The following RABGAP1L variants were observed in gnomAD, a reference collection of about 807,000 sequenced individuals.
RABGAP1L encodes rab GTPase-activating protein 1-like.
RABGAP1L carries 63 observed loss-of-function variants against 137.7 expected under a neutral mutation model. That is an observed-to-expected ratio of 0.46 (90% CI 0.37 to 0.56). The LOEUF (loss-of-function observed/expected upper bound fraction) is 0.56. RABGAP1L is among the 20% of genes least tolerant of loss of function. The probability of loss-of-function intolerance (pLI) is 0.00; values close to 1 mark genes in which losing one functional copy is unlikely to be tolerated. For missense variants in RABGAP1L, 1,095 were observed against 1,244.0 expected (o/e 0.88, Z 1.80); for synonymous variants, 431 against 433.7 (o/e 0.99, Z 0.08).
At chr1:174,692,177 AG>A (rs1411568163) in intron 15 of RABGAP1L, among the ~76,000 whole-genome samples, 3 of 152,180 alleles carry the variant, frequency 2.0e-5, no homozygotes, top group Non-Finnish European at 4.4e-5. Context: ...AGATATATGC[AG>A]AATTTTGCTA....
chr1:174,239,559 T>C (rs911673272), intron 4 of RABGAP1L, among the ~76,000 whole-genome samples: 1 of 152,178 alleles, frequency 6.6e-6, no homozygotes, highest in Non-Finnish European at 1.5e-5. Context: ...TTCCTCATAC[T>C]GGGCCATTTT....
chr1:174,703,476 C>A (rs1679815594), intron 17 of RABGAP1L, among the ~76,000 whole-genome samples: 2 of 152,062 alleles, frequency 1.3e-5, no homozygotes, highest in African/African-American at 4.8e-5. Flanking sequence ...TTTTCTTTAT[C>A]CAGTCATCCA....
At chr1:174,374,567 G>A (rs10912773) in intron 12 of RABGAP1L, among the ~76,000 whole-genome samples, 75,583 of 151,920 alleles carry the variant, frequency 0.5, 21,360 homozygotes, top group African/African-American at 0.78. Context: ...TTTGGATAAG[G>A]TGTTTCTTCT....
intron 4 of RABGAP1L, among the ~76,000 whole-genome samples, 168 bp from the exon 5 acceptor site, chr1:174,241,315 G>A (rs1030865078): frequency 1.4e-5 from 2 of 147,610 alleles, no homozygotes; most frequent in Non-Finnish European, 1.5e-5. Flanking sequence ...GCAAAACTCT[G>A]TTTCAAACAA....
intron 13 of RABGAP1L, among the ~76,000 whole-genome samples, chr1:174,475,288 A>G (rs1658380352): frequency 6.6e-6 from 1 of 152,164 alleles, no homozygotes; most frequent in Non-Finnish European, 1.5e-5. Context: ...TGGAGTATTC[A>G]AGATTCCCTT....
chr1:174,255,365 T>C (rs1157982547), intron 7 of RABGAP1L, among the ~76,000 whole-genome samples: 1 of 152,214 alleles, frequency 6.6e-6, no homozygotes, highest in East Asian at 1.9e-4. Flanking sequence ...TTTTAAACTT[T>C]TTATTTGGAA....
intron 13 of RABGAP1L, among the ~76,000 whole-genome samples, chr1:174,584,766 T>A (rs1223841035): frequency 6.6e-6 from 1 of 152,174 alleles, no homozygotes; most frequent in African/African-American, 2.4e-5. Context: ...GAGGCAGGTT[T>A]TAAGAACTTC....
At chr1:174,415,907 G>T (rs755080327) in intron 13 of RABGAP1L, among the ~76,000 whole-genome samples, 53 of 151,452 alleles carry the variant, frequency 3.5e-4, no homozygotes, top group Non-Finnish European at 6.8e-4. Flanking sequence ...TTTGACCTGG[G>T]ATTCAAAATG....
intron 18 of RABGAP1L, among the ~76,000 whole-genome samples, chr1:174,762,808 T>C (rs1001255015): frequency 7.0e-4 from 47 of 67,114 alleles, no homozygotes; most frequent in Admixed American, 2.2e-3. Context: ...TCTCCTTTGC[T>C]TTTTTTTTTT....
At chr1:174,363,019 C>G (rs1684281558) in intron 11 of RABGAP1L, among the ~76,000 whole-genome samples, 1 of 144,584 alleles carries the variant, frequency 6.9e-6, no homozygotes, top group African/African-American at 2.5e-5. Flanking sequence ...AGCCAGTTAT[C>G]CCAGTGCCAT....
intron 19 of RABGAP1L, among the ~76,000 whole-genome samples, chr1:174,864,608 G>A (rs1441580104): frequency 6.6e-6 from 1 of 152,068 alleles, no homozygotes; most frequent in Non-Finnish European, 1.5e-5. Context: ...AACAGCATGG[G>A]GGAACCACCC....
intron 13 of RABGAP1L, among the ~76,000 whole-genome samples, chr1:174,450,926 C>G (rs1260094673): frequency 1.3e-5 from 2 of 152,114 alleles, no homozygotes; most frequent in Non-Finnish European, 2.9e-5. Context: ...CTTCAAAGGT[C>G]TTTTAGTAGA....
intron 19 of RABGAP1L, among the ~76,000 whole-genome samples, chr1:174,846,133 C>G (rs1486397778): frequency 1.3e-5 from 2 of 151,572 alleles, no homozygotes; most frequent in Admixed American, 6.6e-5. Flanking sequence ...CTTTATTAGT[C>G]TTGCTAGCGG....
intron 1 of RABGAP1L, among the ~76,000 whole-genome samples, chr1:174,162,139 A>G (rs1361223353): frequency 6.7e-6 from 1 of 150,190 alleles, no homozygotes; most frequent in Non-Finnish European, 1.5e-5. Context: ...CATGATTTAG[A>G]TGTTTTCTTT....
chr1:174,748,724 A>T (rs1379875616), intron 17 of RABGAP1L, among the ~76,000 whole-genome samples: 3 of 151,978 alleles, frequency 2.0e-5, no homozygotes, highest in Admixed American at 6.6e-5. Flanking sequence ...AAGAAAAAAA[A>T]ATTATCTGGG....
intron 11 of RABGAP1L, among the ~76,000 whole-genome samples, chr1:174,325,456 A>G (rs1002472691): frequency 3.3e-5 from 5 of 152,208 alleles, no homozygotes; most frequent in Non-Finnish European, 7.3e-5. Flanking sequence ...AGCTAAGGGA[A>G]CCTGAACATG....
At chr1:174,963,777 G>T (rs1332892534) in intron 20 of RABGAP1L, among the ~76,000 whole-genome samples, 7 of 151,966 alleles carry the variant, frequency 4.6e-5, no homozygotes, top group Admixed American at 4.6e-4. Flanking sequence ...GGTTTTGTAT[G>T]ACATTTGTAG....
At chr1:174,467,023 C>T (rs1558259086) in intron 13 of RABGAP1L, among the ~76,000 whole-genome samples, 3 of 152,148 alleles carry the variant, frequency 2.0e-5, no homozygotes, top group Non-Finnish European at 4.4e-5. Flanking sequence ...TTAGCAGTAG[C>T]AGCTGTAGTC....
chr1:174,701,288 T>G, intron 16 of RABGAP1L: 7 of 1,116,902 alleles, frequency 6.3e-6, no homozygotes, highest in Non-Finnish European at 7.9e-6. Context: ...CTTTGCATAA[T>G]TTCTTTGCTT....
Sources: gnomAD v4.1 joint callset for allele counts (sites outside exome capture counted in the v4.1 genomes callset) on GRCh38, gnomAD v4.1.1 for gene constraint, MANE v1.5 for transcripts, NCBI Gene and HGNC (gene_info 2026-07-23, HGNC 2026-07-21) for gene names.